DST: variants seen among roughly 807,000 people sequenced by gnomAD.
DST encodes the protein dystonin.
In DST, 253 loss-of-function variants were observed where a neutral mutation model predicts 875.2. The ratio of observed to expected loss-of-function variants is 0.29; its 90% CI spans 0.26 to 0.32. The LOEUF is 0.32. DST is among the 10% of genes least tolerant of loss of function. The pLI is 1.00. For missense variants in DST, 8,287 were observed against 9,111.6 expected (o/e 0.91, Z 3.68); for synonymous variants, 3,124 against 3,197.1 (o/e 0.98, Z 0.77).
At chr6:56,506,881 A>G in intron 75 of DST, 92 bp from the exon 76 acceptor site, 8 of 1,287,490 alleles carry the variant, frequency 6.2e-6, no homozygotes, top group Non-Finnish European at 8.2e-6. Context: ...AGTTATTTCT[A>G]GAAGGTGGCA....
At chr6:56,636,375 C>T (rs1324408437) in intron 23 of DST, among the ~76,000 whole-genome samples, 182 bp downstream of exon 23, 2 of 149,030 alleles carry the variant, frequency 1.3e-5, no homozygotes, top group South Asian at 2.1e-4. Flanking sequence ...TATATATATA[C>T]ACACATATAT....
At chr6:56,927,275 G>C (rs1807695127) in intron 2 of DST, among the ~76,000 whole-genome samples, 1 of 151,960 alleles carries the variant, frequency 6.6e-6, no homozygotes, top group South Asian at 2.1e-4. Flanking sequence ...AGTCTCATAA[G>C]GCAATGCTAC....
intron 75 of DST, among the ~76,000 whole-genome samples, chr6:56,507,143 A>C (rs1188685318): frequency 2.0e-5 from 3 of 152,248 alleles, no homozygotes; most frequent in Non-Finnish European, 4.4e-5. Flanking sequence ...AGTAAAATAT[A>C]AATCCAAAAA....
In DST at chr6:56,529,628, A is replaced by T; in HGVS notation, c.17415T>A (p.Ile5805=). The part of the protein sequence containing the change: ...LDFSQVWYIE[I]QEKSHSRSEL... ...CAGACCTGCTGTGACTTTTCTCTTGAATCTCAATGTACCATACTTGAGAGA... is the reference window on the plus strand; with the variant it reads ...CAGACCTGCTGTGACTTTTCTCTTGTATCTCAATGTACCATACTTGAGAGA... Residue 5805 remains isoleucine (I), a synonymous_variant, in exon 66 of 104, where the codon ATT becomes ATA. Coordinates refer to ENST00000680361, the MANE Select transcript of DST (RefSeq NM_001374736.1). 6.2e-7 allele frequency: 1 copy of T among 1,613,818 alleles called. No homozygotes were observed. Among genetic ancestry groups the T allele is most frequent in the African/African-American group, 1.3e-5 (1 of 75,024 alleles).
At chr6:56,848,023 T>C (rs1194796460) in intron 4 of DST, among the ~76,000 whole-genome samples, 2 of 152,260 alleles carry the variant, frequency 1.3e-5, no homozygotes, top group African/African-American at 2.4e-5. Context: ...TTTCTATGTA[T>C]TGGTAATATT....
At chr6:56,469,321 T>C (rs2094760330) in intron 97 of DST, among the ~76,000 whole-genome samples, 2 of 151,996 alleles carry the variant, frequency 1.3e-5, no homozygotes, top group South Asian at 4.2e-4. Context: ...ACATTTCTTA[T>C]CTAGCTACTA....
chr6:56,856,307 G>A (rs1271065728), intron 3 of DST, among the ~76,000 whole-genome samples: 4 of 152,174 alleles, frequency 2.6e-5, no homozygotes, highest in African/African-American at 9.7e-5. Flanking sequence ...CCAAGAAATT[G>A]TCTTGGCAAT....
intron 89 of DST, 40 bp from the exon 90 acceptor site, chr6:56,482,218 C>T (rs2095425813): frequency 6.3e-7 from 1 of 1,584,154 alleles, no homozygotes. Flanking sequence ...ACAAAATTCC[C>T]AAATATGCCT....
chr6:56,539,210 G>C (rs1322747541), intron 61 of DST, among the ~76,000 whole-genome samples: 1 of 152,072 alleles, frequency 6.6e-6, no homozygotes, highest in Non-Finnish European at 1.5e-5. Context: ...TATTGGAGTA[G>C]ATCTAGGTAA....
chr6:56,555,809 G>A lies in DST; in HGVS notation c.14672C>T (p.Pro4891Leu), dbSNP rs558077583. The change falls in exon 60 of 104, where the codon CCT becomes CTT. Residue 4891 changes from proline (P) to leucine (L), a missense_variant. Around this residue, in one of 10 missense-constraint regions of DST, gnomAD observed 1,513 missense variants for 1,677.8 expected, o/e 0.90. Coordinates refer to ENST00000680361, the MANE Select transcript of DST (RefSeq NM_001374736.1). ...ILLQEFATRK[P>L]QYEQLTAAGQ... is the part of the protein sequence containing the mutation. ...AGCTGCTGTCAGCTGTTCATATTGA[G>A]GTTTCCGAGTGGCGAATTCTTGCAG... 6.0e-6 allele frequency: 9 copies of A among 1,511,442 alleles called. No individual in the cohort carries two copies. In the East Asian group the frequency reaches 1.8e-4, roughly 31 times the overall value. 93.6% of individuals were successfully genotyped at this position (1,511,442 alleles called of 1,614,324 possible). A position where few individuals can be genotyped will look rare whatever the true frequency, so the allele number is the denominator to read the frequency against.
chr6:56,615,890 C>A, intron 36 of DST: 1 of 1,614,154 alleles, frequency 6.2e-7, no homozygotes, highest in Non-Finnish European at 8.5e-7. Context: ...ATGGCCAATC[C>A]CTGTGATTAC....
chr6:56,473,510 C>T (rs1449697365), intron 93 of DST, among the ~76,000 whole-genome samples: 2 of 152,064 alleles, frequency 1.3e-5, no homozygotes, highest in Non-Finnish European at 1.5e-5. Flanking sequence ...AGATTATCCA[C>T]GTCATGGTCA....
chr6:56,841,910 G>A (rs1215230429), intron 4 of DST, among the ~76,000 whole-genome samples: 1 of 152,122 alleles, frequency 6.6e-6, no homozygotes, highest in East Asian at 1.9e-4. Flanking sequence ...CTTGCTCAGT[G>A]GCAGTATTAT....
rs1767880407 is a variant in DST, at chr6:56,856,410, T to C, written c.418-4806A>G. 3.3e-5 allele frequency among the ~76,000 whole-genome samples: 5 copies of C among 152,262 alleles called. No homozygotes were observed. In the South Asian group the frequency reaches 1.0e-3, roughly 32 times the overall value. Reference sequence around the variant, plus strand: ...AATCCCAGAGGCTGAAAAGTAAACTTTCATAAACCCACATACCCACATATT... The same window carrying C: ...AATCCCAGAGGCTGAAAAGTAAACTCTCATAAACCCACATACCCACATATT... On this transcript the variant is annotated intron_variant, in intron 3 of 103. Transcript: ENST00000680361.
rs780565183 is a variant in DST, at chr6:56,651,228, T to G, written c.1231A>C (p.Met411Leu). Residue 411 changes from methionine (M) to leucine (L), a missense_variant, in exon 11 of 104, where the codon ATG becomes CTG. Physicochemically the swap from Met to Leu is conservative, Grantham distance 15. Transcript: ENST00000680361. ...IHKYRPDLID[M>L]NTVAVQSNLA... ...TTGCTTTGAACAGCAACAGTATTCA[T>G]ATCTATCAGGTCCGGCCTAGGAAAA... is the stretch of plus-strand genomic sequence containing the variant. 1 of 1,606,874 alleles carries G rather than the reference T, an allele frequency of 6.2e-7. No individual in the cohort carries two copies. Among genetic ancestry groups the G allele is most frequent in the African/African-American group, 1.3e-5 (1 of 74,960 alleles).
intron 55 of DST, among the ~76,000 whole-genome samples, chr6:56,567,673 A>C (rs1434262125): frequency 6.6e-6 from 1 of 152,254 alleles, no homozygotes; most frequent in East Asian, 1.9e-4. Context: ...AGTGGAATAA[A>C]TGGTTGGCTG....
Position 56,954,650 on chromosome 6 carries a change from G to T in DST, c.-63C>A, listed in dbSNP as rs779280110. The T allele has an allele frequency of 1.8e-6, 2 of 1,139,814 alleles. No homozygotes were observed. Among genetic ancestry groups the T allele is most frequent in the South Asian group, 1.8e-5 (1 of 54,190 alleles). The allele number at this position is 1,139,814 out of a possible 1,614,324, so 70.6% of individuals were successfully genotyped here. A position where few individuals can be genotyped will look rare whatever the true frequency, so the allele number is the denominator to read the frequency against. ...GGAGGGCGGCGGCACAGGCACCCGC[G>T]CTGGGCGCACGCCGGGACGGCGGGC... On this transcript the variant is annotated 5_prime_UTR_variant, in exon 1 of 104. Transcript: ENST00000680361.
intron 3 of DST, among the ~76,000 whole-genome samples, chr6:56,858,288 G>C (rs1162652740): frequency 1.3e-5 from 2 of 152,112 alleles, no homozygotes; most frequent in African/African-American, 4.8e-5. Flanking sequence ...GGAAGTCAAA[G>C]GTTTCTTTCT....
At chr6:56,548,659 G>A (rs1427737799) in intron 61 of DST, among the ~76,000 whole-genome samples, 1 of 152,042 alleles carries the variant, frequency 6.6e-6, no homozygotes, top group African/African-American at 2.4e-5. Flanking sequence ...AAACAGAATC[G>A]CCCTGCTATT....
Sources: allele counts gnomAD v4.1 joint callset (sites outside exome capture counted in the v4.1 genomes callset), GRCh38; gene constraint gnomAD v4.1.1; regional missense constraint gnomAD v4.1.1; transcripts MANE v1.5; gene names NCBI Gene and HGNC (gene_info 2026-07-23, HGNC 2026-07-21).